Variants in NR3C2 observed in about 807,000 individuals in gnomAD.
NR3C2 encodes nuclear receptor subfamily 3 group C member 2, also known as mineralocorticoid receptor.
In NR3C2, 15 loss-of-function variants were observed where a neutral mutation model predicts 86.4. That is an observed-to-expected ratio of 0.17 (90% confidence interval 0.12 to 0.27). The LOEUF (loss-of-function observed/expected upper bound fraction) is 0.27, where lower values mean the gene tolerates loss of function less well. NR3C2 is among the 10% of genes least tolerant of loss of function. NR3C2 has a pLI of 1.00. For missense variants in NR3C2, 960 were observed against 1,195.6 expected (o/e 0.80, Z 2.91); for synonymous variants, 458 against 450.5 (o/e 1.02, Z -0.21).
chr4:148,277,935 G>A (rs940381368), intron 2 of NR3C2, among the ~76,000 whole-genome samples: 4 of 152,160 alleles, frequency 2.6e-5, no homozygotes, highest in Admixed American at 1.3e-4. Flanking sequence ...TGTGAGTCAC[G>A]AAATGAATTA....
At position 148,244,296 on chromosome 4, in the gene NR3C2, C is replaced by A. The variant is rs140607221; in HGVS notation, c.1897+15682G>T. Among the ~76,000 whole-genome samples the A allele has an allele frequency of 9.6e-3, 1,457 of 152,280 alleles. 23 individuals carry two copies. The highest frequency in any genetic ancestry group is 0.033 in the African/African-American group (1,372 of 41,550). On this transcript the variant is annotated intron_variant, in intron 3 of 8. Transcript: ENST00000358102. ...CCATCCCAGGTATTTCTAGGAAAAA[C>A]TGCTGAAAGTTTAAAAATATGTTTT...
At chr4:148,120,413 G>T in intron 6 of NR3C2, 125 bp from the exon 7 acceptor site, 1 of 1,130,124 alleles carries the variant, frequency 8.8e-7, no homozygotes, top group Non-Finnish European at 1.3e-6. Flanking sequence ...ACATGGAGCA[G>T]ATGTGTATTT....
intron 4 of NR3C2, among the ~76,000 whole-genome samples, chr4:148,184,816 C>T (rs1201132602): frequency 6.6e-6 from 1 of 152,146 alleles, no homozygotes; most frequent in Non-Finnish European, 1.5e-5. Context: ...TGGGCCACAT[C>T]TGCAATGATT....
intron 8 of NR3C2, among the ~76,000 whole-genome samples, chr4:148,103,262 G>A (rs11737660): frequency 0.19 from 29,304 of 152,014 alleles, 3,864 homozygotes; most frequent in East Asian, 0.56. Flanking sequence ...CTTTCATGCC[G>A]GGTTTTCAAT....
intron 2 of NR3C2, among the ~76,000 whole-genome samples, chr4:148,278,477 A>G (rs1158159967): frequency 2.0e-5 from 3 of 152,160 alleles, no homozygotes; most frequent in Admixed American, 6.5e-5. Context: ...GATGTGCAAA[A>G]AACTTTCCCA....
chr4:148,365,201 G>A (rs1029071914), intron 2 of NR3C2, among the ~76,000 whole-genome samples: 2 of 152,170 alleles, frequency 1.3e-5, no homozygotes, highest in African/African-American at 4.8e-5. Flanking sequence ...CACAGTTGAA[G>A]GGGGCTAGGA....
chr4:148,390,932 T>C (rs1166810359), intron 2 of NR3C2, among the ~76,000 whole-genome samples: 1 of 152,210 alleles, frequency 6.6e-6, no homozygotes, highest in Non-Finnish European at 1.5e-5. Flanking sequence ...GCTAAAATAA[T>C]GTTACAGCCA....
At chr4:148,241,324 AAAAAAAAAAG>A (rs1187219384) in intron 3 of NR3C2, among the ~76,000 whole-genome samples, 6 of 147,380 alleles carry the variant, frequency 4.1e-5, no homozygotes, top group East Asian at 2.0e-4. Context: ...AAAAAAAAAA[AAAAAAAAAAG>A]GGGAAAAATA....
chr4:148,373,470 C>CTTTTTTTTT (rs774726733), intron 2 of NR3C2, among the ~76,000 whole-genome samples: 1 of 129,796 alleles, frequency 7.7e-6, no homozygotes. Flanking sequence ...TAAAGGATGA[C>CTTTTTTTTT]TTTTTTTTTC....
chr4:148,117,572 T>C (rs1202222424), intron 7 of NR3C2, among the ~76,000 whole-genome samples: 1 of 152,138 alleles, frequency 6.6e-6, no homozygotes, highest in Non-Finnish European at 1.5e-5. Flanking sequence ...GGGCTATCAA[T>C]CTCCCAGGGT....
intron 6 of NR3C2, among the ~76,000 whole-genome samples, chr4:148,142,115 A>C (rs955626135): frequency 1.3e-5 from 2 of 152,236 alleles, no homozygotes; most frequent in Non-Finnish European, 2.9e-5. Flanking sequence ...GCTGGTGTGG[A>C]GTATATGCGG....
chr4:148,250,963 G>T (rs184573340), intron 3 of NR3C2, among the ~76,000 whole-genome samples: 36 of 151,782 alleles, frequency 2.4e-4, no homozygotes, highest in Non-Finnish European at 4.7e-4. Context: ...TTTTGGGGGG[G>T]AGTGGGGGAC....
chr4:148,315,759 T>C (rs1213339594), intron 2 of NR3C2, among the ~76,000 whole-genome samples: 1 of 152,220 alleles, frequency 6.6e-6, no homozygotes, highest in Non-Finnish European at 1.5e-5. Flanking sequence ...TTTAGGGGCC[T>C]TATATGAATC....
intron 2 of NR3C2, among the ~76,000 whole-genome samples, chr4:148,396,527 T>C (rs1471926218): frequency 1.3e-5 from 2 of 152,212 alleles, no homozygotes; most frequent in African/African-American, 4.8e-5. Flanking sequence ...TAAATATTTA[T>C]TTTCCTTCTA....
At position 148,202,784 on chromosome 4, in the gene NR3C2, C is replaced by G. The variant is rs185967111; in HGVS notation, c.1898-7922G>C. ...CTAAGAAAGGCCCTAAGGTTCCCCC[C>G]TCATCCCCCTTCCTCTGTATCTTGC... On this transcript the variant is annotated intron_variant, in intron 3 of 8. Coordinates refer to ENST00000358102, the MANE Select transcript of NR3C2 (RefSeq NM_000901.5). Among the ~76,000 whole-genome samples the G allele has an allele frequency of 7.9e-5, 12 of 152,288 alleles. No individual in the cohort carries two copies. The East Asian group carries it at 2.1e-3, about 27-fold the overall frequency.
chr4:148,150,762 C>A (rs796978219), intron 6 of NR3C2, among the ~76,000 whole-genome samples: 1 of 152,048 alleles, frequency 6.6e-6, no homozygotes, highest in Admixed American at 6.5e-5. Flanking sequence ...AGTCAGTAAG[C>A]AAATATGCAA....
At chr4:148,411,822 C>T (rs1198296782) in intron 2 of NR3C2, among the ~76,000 whole-genome samples, 1 of 152,148 alleles carries the variant, frequency 6.6e-6, no homozygotes, top group Non-Finnish European at 1.5e-5. Flanking sequence ...AATAGTTTTC[C>T]TTTATCTTGC....
intron 2 of NR3C2, among the ~76,000 whole-genome samples, chr4:148,272,019 C>T (rs376900381): frequency 5.9e-5 from 9 of 152,126 alleles, no homozygotes; most frequent in Middle Eastern, 3.2e-3. Context: ...AAACAGTTAT[C>T]TTCTCCCTCT....
At chr4:148,142,667 T>G (rs866484217) in intron 6 of NR3C2, among the ~76,000 whole-genome samples, 8 of 152,126 alleles carry the variant, frequency 5.3e-5, no homozygotes, top group Non-Finnish European at 8.8e-5. Context: ...ACTAATTTTT[T>G]GTATTTTTGG....
Sources: gnomAD v4.1 joint callset for allele counts (sites outside exome capture counted in the v4.1 genomes callset) on GRCh38, gnomAD v4.1.1 for gene constraint, MANE v1.5 for transcripts, NCBI Gene and HGNC (gene_info 2026-07-23, HGNC 2026-07-21) for gene names.